Variants in ARHGEF28 observed in about 807,000 individuals in gnomAD.
ARHGEF28 encodes 190 kDa guanine nucleotide exchange factor.
Under a neutral mutation model 206.6 loss-of-function variants are expected in ARHGEF28, and 152 were observed. The ratio of observed to expected loss-of-function variants is 0.74; its 90% CI spans 0.64 to 0.84. The LOEUF is 0.84. Among genes scored for constraint, ARHGEF28 ranks in the 40% least tolerant of loss-of-function variants. ARHGEF28 has a pLI of 0.00. For missense variants in ARHGEF28, 2,028 were observed against 2,073.2 expected (o/e 0.98, Z 0.42); for synonymous variants, 763 against 776.4 (o/e 0.98, Z 0.29).
Position 73,858,231 on chromosome 5 carries a change from G to C in ARHGEF28, c.2047+12G>C. On this transcript the variant is annotated intron_variant, in intron 16 of 35. Coordinates refer to ENST00000513042, the MANE Select transcript of ARHGEF28 (RefSeq NM_001177693.2). ...ACTGCAGTGTTCTAGTAAGTTCTCAGGTCTATGTGCGCTGTCTTTGTTTTC... is the reference window on the plus strand; with the variant it reads ...ACTGCAGTGTTCTAGTAAGTTCTCACGTCTATGTGCGCTGTCTTTGTTTTC... 6.4e-7 allele frequency: 1 copy of C among 1,564,360 alleles called. No individual in the cohort carries two copies. Among genetic ancestry groups the C allele is most frequent in the African/African-American group, 1.4e-5 (1 of 72,694 alleles).
chr5:73,864,728 T>C (rs1376664927), intron 16 of ARHGEF28, 89 bp from the exon 17 acceptor site: 3 of 1,126,546 alleles, frequency 2.7e-6, no homozygotes, highest in Non-Finnish European at 2.5e-6. Context: ...TGTTTTTTTA[T>C]AATGACCAGT....
intron 35 of ARHGEF28, among the ~76,000 whole-genome samples, chr5:73,917,410 G>A (rs183374139): frequency 1.3e-5 from 2 of 152,224 alleles, no homozygotes; most frequent in Admixed American, 6.5e-5. Flanking sequence ...CTTTCTCATC[G>A]ACAAGTGGAG....
intron 2 of ARHGEF28, among the ~76,000 whole-genome samples, chr5:73,746,451 T>C (rs543516452): frequency 6.6e-6 from 1 of 152,162 alleles, no homozygotes; most frequent in Non-Finnish European, 1.5e-5. Flanking sequence ...GTGTAATAAT[T>C]ACCTGTGCAT....
chr5:73,856,222 C>A (rs1485513496), intron 14 of ARHGEF28, among the ~76,000 whole-genome samples: 2 of 152,096 alleles, frequency 1.3e-5, no homozygotes, highest in Non-Finnish European at 2.9e-5. Context: ...GTCAGTTATC[C>A]TAGGTAAAAA....
At chr5:73,695,372 G>A (rs529738547) in intron 2 of ARHGEF28, among the ~76,000 whole-genome samples, 6 of 151,800 alleles carry the variant, frequency 4.0e-5, no homozygotes, top group African/African-American at 1.2e-4. Flanking sequence ...TTTTTCTCGC[G>A]AGCTCATCTA....
At chr5:73,678,951 C>A (rs565284069) in intron 1 of ARHGEF28, among the ~76,000 whole-genome samples, 1 of 152,194 alleles carries the variant, frequency 6.6e-6, no homozygotes, top group Non-Finnish European at 1.5e-5. Flanking sequence ...TGCAGTGGCA[C>A]GATCATACCT....
intron 35 of ARHGEF28, among the ~76,000 whole-genome samples, chr5:73,918,047 G>A (rs1197706215): frequency 6.6e-6 from 1 of 152,152 alleles, no homozygotes; most frequent in Non-Finnish European, 1.5e-5. Context: ...AGAATCTGGG[G>A]ACTGTCTTCT....
At chr5:73,814,406 G>A (rs373652473) in intron 9 of ARHGEF28, among the ~76,000 whole-genome samples, 75 of 152,162 alleles carry the variant, frequency 4.9e-4, no homozygotes, top group Middle Eastern at 6.8e-3. Flanking sequence ...TGTGGGCCAT[G>A]GAAACAAGGA....
chr5:73,667,589 G>A (rs1351113695), intron 1 of ARHGEF28, among the ~76,000 whole-genome samples: 6 of 152,134 alleles, frequency 3.9e-5, no homozygotes, highest in South Asian at 2.1e-4. Context: ...CCTTCTATCC[G>A]TATTAATCTC....
At chr5:73,923,443 G>A (rs1311642584) in intron 35 of ARHGEF28, among the ~76,000 whole-genome samples, 1 of 152,172 alleles carries the variant, frequency 6.6e-6, no homozygotes, top group Non-Finnish European at 1.5e-5. Flanking sequence ...ATCAAAGTAT[G>A]CTACTGGTAG....
chr5:73,882,292 C>T (rs1366388806), intron 22 of ARHGEF28, among the ~76,000 whole-genome samples, 180 bp from the exon 23 acceptor site: 1 of 152,056 alleles, frequency 6.6e-6, no homozygotes, highest in Non-Finnish European at 1.5e-5. Context: ...TACCACTCAA[C>T]AACTTTCTTT....
chr5:73,723,851 G>A (rs1750116793), intron 2 of ARHGEF28, among the ~76,000 whole-genome samples: 1 of 152,208 alleles, frequency 6.6e-6, no homozygotes, highest in African/African-American at 2.4e-5. Context: ...AATGGTTCTA[G>A]CATGAGCATG....
intron 2 of ARHGEF28, among the ~76,000 whole-genome samples, chr5:73,701,126 T>C (rs1173798525): frequency 6.6e-6 from 1 of 152,222 alleles, no homozygotes; most frequent in Admixed American, 6.5e-5. Context: ...GTGTCCTCTT[T>C]AATAAAACCC....
chr5:73,776,773 A>G lies in ARHGEF28; in HGVS notation c.840+77A>G, dbSNP rs1156254338. The G allele has an allele frequency of 1.4e-5, 20 of 1,393,990 alleles. No individual in the cohort carries two copies. In the East Asian group the frequency reaches 4.5e-4, roughly 31 times the overall value. The allele number at this position is 1,393,990 out of a possible 1,614,324, so 86.4% of individuals were successfully genotyped here. A position where few individuals can be genotyped will look rare whatever the true frequency, so the allele number is the denominator to read the frequency against. On this transcript the variant is annotated intron_variant, in intron 6 of 35. Coordinates refer to ENST00000513042, the MANE Select transcript of ARHGEF28 (RefSeq NM_001177693.2). ...GGCATCAATTTCTTATTATGAGAAC[A>G]GTGTTTTTTGGGGGTAGGACTTTTT...
chr5:73,636,672 C>T (rs939053236), intron 1 of ARHGEF28, among the ~76,000 whole-genome samples: 1 of 152,146 alleles, frequency 6.6e-6, no homozygotes, highest in African/African-American at 2.4e-5. Context: ...CTGAATGTAG[C>T]AAAGGTTGGA....
chr5:73,889,627 A>G (rs1224958304), intron 26 of ARHGEF28, among the ~76,000 whole-genome samples: 1 of 152,250 alleles, frequency 6.6e-6, no homozygotes, highest in Non-Finnish European at 1.5e-5. Flanking sequence ...TAATAGAATC[A>G]GCACAAAATG....
chr5:73,847,213 C>T (rs929730461), intron 12 of ARHGEF28, among the ~76,000 whole-genome samples: 3 of 152,134 alleles, frequency 2.0e-5, no homozygotes, highest in Non-Finnish European at 4.4e-5. Flanking sequence ...CTCTTTCTAA[C>T]GTATGGTTGT....
intron 35 of ARHGEF28, among the ~76,000 whole-genome samples, chr5:73,933,529 T>G (rs1764249454): frequency 6.6e-6 from 1 of 152,230 alleles, no homozygotes; most frequent in Non-Finnish European, 1.5e-5. Context: ...TCCATTTATA[T>G]CAGATATATA....
intron 1 of ARHGEF28, among the ~76,000 whole-genome samples, chr5:73,637,355 G>A (rs1028213518): frequency 6.6e-6 from 1 of 151,936 alleles, no homozygotes; most frequent in Non-Finnish European, 1.5e-5. Flanking sequence ...TTTTCCTTCT[G>A]TTTAGTCTCA....
Sources: gnomAD v4.1 joint callset for allele counts (sites outside exome capture counted in the v4.1 genomes callset) on GRCh38, gnomAD v4.1.1 for gene constraint, MANE v1.5 for transcripts, NCBI Gene and HGNC (gene_info 2026-07-23, HGNC 2026-07-21) for gene names.